Variants in EPHA4 observed in about 807,000 individuals in gnomAD.
EPHA4 encodes the protein ephrin type-A receptor 4.
EPHA4 carries 19 observed loss-of-function variants against 108.3 expected under a neutral mutation model. The ratio of observed to expected loss-of-function variants is 0.18; its 90% confidence interval spans 0.12 to 0.26. EPHA4 has a LOEUF of 0.26. Ranked by LOEUF, EPHA4 falls within the 10% of genes least tolerant of loss-of-function variation. The probability of loss-of-function intolerance (pLI) is 1.00; values close to 1 mark genes in which losing one functional copy is unlikely to be tolerated. For synonymous variants in EPHA4, 449 were observed against 455.5 expected (o/e 0.99, Z 0.18); for missense variants, 917 against 1,254.0 (o/e 0.73, Z 4.06).
intron 3 of EPHA4, among the ~76,000 whole-genome samples, chr2:221,527,595 GC>G (rs997254707): frequency 6.6e-6 from 1 of 152,174 alleles, no homozygotes; most frequent in African/African-American, 2.4e-5. Flanking sequence ...ACCGGGGTCT[GC>G]CCGACACTGG....
chr2:221,530,052 C>T (rs1377291266), intron 3 of EPHA4, among the ~76,000 whole-genome samples: 2 of 152,102 alleles, frequency 1.3e-5, no homozygotes, highest in Admixed American at 1.3e-4. Context: ...CGCAAACAGT[C>T]CAGTAGGGGC....
At position 221,564,320 on chromosome 2, in the gene EPHA4, G is replaced by C; in HGVS notation, c.234C>G (p.Pro78=). 1 of 1,614,050 alleles carries C rather than the reference G, an allele frequency of 6.2e-7. No homozygotes were observed. The highest frequency in any genetic ancestry group is 1.1e-5 in the South Asian group (1 of 91,074). Residue 78 remains proline (P), a synonymous_variant, in exon 3 of 18, where the codon CCC becomes CCG. Transcript: ENST00000281821. ...RTYQVCNVME[P]SQNNWLRTDW... ...CAGTTCGTAGCCAGTTATTCTGGCTGGGTTCCATCACATTGCACACTTGGT... is the reference window on the plus strand; with the variant it reads ...CAGTTCGTAGCCAGTTATTCTGGCTCGGTTCCATCACATTGCACACTTGGT...
chr2:221,492,335 T>C (rs887616048), intron 4 of EPHA4, among the ~76,000 whole-genome samples: 2 of 151,956 alleles, frequency 1.3e-5, no homozygotes, highest in Non-Finnish European at 2.9e-5. Context: ...GGGGAGTATG[T>C]GGGGAAAAAA....
At chr2:221,459,434 A>G (rs1216810589) in intron 5 of EPHA4, among the ~76,000 whole-genome samples, 1 of 152,090 alleles carries the variant, frequency 6.6e-6, no homozygotes, top group East Asian at 1.9e-4. Flanking sequence ...CAAGGTTAGT[A>G]ATACCAACCC....
At chr2:221,486,974 A>T (rs1691996202) in intron 4 of EPHA4, among the ~76,000 whole-genome samples, 1 of 152,064 alleles carries the variant, frequency 6.6e-6, no homozygotes, top group African/African-American at 2.4e-5. Flanking sequence ...TCACATACAG[A>T]TTCATTAGCT....
chr2:221,572,540 G>A (rs1324924194), upstream of EPHA4: 4 of 234,832 alleles, frequency 1.7e-5, no homozygotes, highest in Non-Finnish European at 3.2e-5. Context: ...CTGCCGGAGG[G>A]AGCCAGCGGG....
chr2:221,493,361 G>T (rs1692205547), intron 4 of EPHA4, among the ~76,000 whole-genome samples: 1 of 152,012 alleles, frequency 6.6e-6, no homozygotes, highest in East Asian at 1.9e-4. Context: ...AATCTTTGGG[G>T]TAGAGAATTG....
At chr2:221,546,498 C>T (rs1238432626) in intron 3 of EPHA4, among the ~76,000 whole-genome samples, 5 of 151,448 alleles carry the variant, frequency 3.3e-5, no homozygotes, top group Non-Finnish European at 5.9e-5. Context: ...CACCTCTTCC[C>T]ATCTGATATT....
chr2:221,566,617 A>G (rs1362037473), intron 2 of EPHA4, among the ~76,000 whole-genome samples: 2 of 151,798 alleles, frequency 1.3e-5, no homozygotes, highest in African/African-American at 4.8e-5. Flanking sequence ...CATGCCTAAT[A>G]TTTAAGGAAA....
Position 221,442,859 on chromosome 2 carries a change from T to C in EPHA4, c.2044A>G (p.Ile682Val), listed in dbSNP as rs367921954. 1.9e-6 allele frequency: 3 copies of C among 1,614,220 alleles called. No individual in the cohort carries two copies. The highest frequency in any genetic ancestry group is 2.5e-6 in the Non-Finnish European group (3 of 1,180,030). ...SIMGQFDHPNIIHLEGVVTKC... is the reference protein window; with the variant it reads ...SIMGQFDHPNVIHLEGVVTKC... The stretch of plus-strand genomic sequence containing the variant: ...GTGACCACGCCTTCCAAGTGAATGA[T>C]GTTCGGATGGTCAAACTGTCCCATG... Residue 682 changes from isoleucine (I) to valine (V), a missense_variant, in exon 11 of 18, where the codon ATC (isoleucine) becomes GTC (valine). Physicochemically the swap from Ile to Val is conservative, Grantham distance 29. Coordinates refer to ENST00000281821, the MANE Select transcript of EPHA4 (RefSeq NM_004438.5).
chr2:221,530,195 G>A (rs1477494662), intron 3 of EPHA4, among the ~76,000 whole-genome samples: 6 of 150,312 alleles, frequency 4.0e-5, no homozygotes, highest in South Asian at 2.1e-4. Context: ...AAAAAAAATT[G>A]GGACAAAGCC....
chr2:221,568,845 A>C, intron 1 of EPHA4, 60 bp from the exon 2 acceptor site: 1 of 1,461,066 alleles, frequency 6.8e-7, no homozygotes, highest in Non-Finnish European at 9.4e-7. Context: ...ATAACACAAA[A>C]ACCATTTGCC....
chr2:221,438,180 TA>T (rs1267542723), intron 11 of EPHA4, among the ~76,000 whole-genome samples: 1 of 150,326 alleles, frequency 6.7e-6, no homozygotes, highest in African/African-American at 2.5e-5. Context: ...TCCCCCTACC[TA>T]TTTTTTTTTT....
chr2:221,444,744 C>CTTTTTTTTTTTTT (rs71266317), intron 9 of EPHA4, among the ~76,000 whole-genome samples: 71 of 74,980 alleles, frequency 9.5e-4, no homozygotes, highest in East Asian at 1.9e-3. Flanking sequence ...TTTTTTCTAT[C>CTTTTTTTTTTTTT]TTTTTTTTTT....
intron 3 of EPHA4, among the ~76,000 whole-genome samples, chr2:221,514,576 T>C (rs1235746172): frequency 2.0e-5 from 3 of 152,182 alleles, no homozygotes; most frequent in Non-Finnish European, 4.4e-5. Context: ...TGCATCTTAC[T>C]TACCCTGATG....
At chr2:221,475,421 T>C (rs773993287) in intron 5 of EPHA4, among the ~76,000 whole-genome samples, 3 of 152,222 alleles carry the variant, frequency 2.0e-5, no homozygotes, top group Non-Finnish European at 4.4e-5. Flanking sequence ...TTGAAGATTG[T>C]TTCAAATGTG....
chr2:221,475,513 A>T (rs967324380), intron 5 of EPHA4, among the ~76,000 whole-genome samples: 11 of 152,204 alleles, frequency 7.2e-5, no homozygotes, highest in African/African-American at 2.7e-4. Flanking sequence ...TAGCTTCTCA[A>T]CCTTGTTCTT....
upstream of EPHA4, chr2:221,573,420 G>C (rs1694908647): frequency 1.3e-5 from 2 of 152,128 alleles, no homozygotes; most frequent in African/African-American, 4.8e-5. This position sits in a 1 kb window ranked among gnomAD's most constrained non-coding sequence, Gnocchi z 4.5. Context: ...AGCCGTGGAC[G>C]CGGCCACCTA....
At chr2:221,464,295 A>T (rs1482019215) in intron 5 of EPHA4, among the ~76,000 whole-genome samples, 1 of 152,202 alleles carries the variant, frequency 6.6e-6, no homozygotes, top group Non-Finnish European at 1.5e-5. Flanking sequence ...TTGGAGCTTA[A>T]GGTGGTTTTT....
Sources: gnomAD v4.1 joint callset for allele counts (sites outside exome capture counted in the v4.1 genomes callset) on GRCh38, gnomAD v4.1.1 for gene constraint, Gnocchi (gnomAD v3.1) non-coding constraint, MANE v1.5 for transcripts, NCBI Gene and HGNC (gene_info 2026-07-23, HGNC 2026-07-21) for gene names.